The following H2BC18 variants were observed in gnomAD, a reference collection of about 807,000 sequenced individuals.
The protein encoded by H2BC18 is H2B clustered histone 18, also known as histone H2B type 2-F.
In H2BC18, 8 loss-of-function variants were observed where a neutral mutation model predicts 6.3. The ratio of observed to expected loss-of-function variants is 1.28; its 90% CI spans 0.75 to 2.31. H2BC18 has a LOEUF of 2.31. H2BC18 is among the 30% of genes most tolerant of loss of function. The pLI, the probability that H2BC18 is intolerant of heterozygous loss-of-function variation, is 0.00. For synonymous variants in H2BC18, 104 were observed against 78.1 expected (o/e 1.33, Z -1.75); for missense variants, 106 against 174.5 (o/e 0.61, Z 2.21).
chr1:149,800,625 T>G (rs1191679539), intron 1 of H2BC18, among the ~76,000 whole-genome samples: 1 of 142,564 alleles, frequency 7.0e-6, no homozygotes, highest in Non-Finnish European at 1.5e-5. Context: ...TCTTTCAGCT[T>G]ATTTATTTTC....
chr1:149,792,697 G>T, intron 1 of H2BC18: 1 of 1,282,092 alleles, frequency 7.8e-7, no homozygotes, highest in Non-Finnish European at 1.0e-6. Flanking sequence ...CAGCTGCGGC[G>T]AAAGCTGTTG....
At chr1:149,803,072 G>T (rs2091888772) in intron 1 of H2BC18, among the ~76,000 whole-genome samples, 1 of 152,140 alleles carries the variant, frequency 6.6e-6, no homozygotes, top group African/African-American at 2.4e-5. Flanking sequence ...ATCCTATCAA[G>T]TTGACACCTA....
At chr1:149,802,375 T>C (rs1201799045) in intron 1 of H2BC18, among the ~76,000 whole-genome samples, 1 of 152,158 alleles carries the variant, frequency 6.6e-6, no homozygotes, top group Non-Finnish European at 1.5e-5. Context: ...ACCTTTCTCC[T>C]GCTCATTATT....
At chr1:149,788,232 T>C (rs1192546489) in intron 1 of H2BC18, 278 of 1,599,226 alleles carry the variant, frequency 1.7e-4, no homozygotes, top group Non-Finnish European at 2.3e-4. Flanking sequence ...AGGAACTGGA[T>C]ATAGGCCTGA....
Position 149,796,156 on chromosome 1 carries a change from G to C in H2BC18, c.378-12896C>G, listed in dbSNP as rs1553752760. 1.3e-5 allele frequency among the ~76,000 whole-genome samples: 2 copies of C among 152,106 alleles called. 1 individual carries two copies. Among genetic ancestry groups the C allele is most frequent in the African/African-American group, 4.8e-5 (2 of 41,370 alleles). On this transcript the variant is annotated intron_variant, in intron 1 of 1. Transcript: ENST00000545683. ...GGGGTCAAAACTTCCATGAGGGTAA[G>C]AAGTTCAGTTTTCTGCCTTTCCCCT...
intron 1 of H2BC18, chr1:149,803,836 C>T (rs1192895459): frequency 1.3e-5 from 2 of 152,202 alleles, no homozygotes; most frequent in Non-Finnish European, 2.9e-5. Flanking sequence ...TTAAGGTCTT[C>T]GGACTCTGTC....
downstream of H2BC18, chr1:149,810,523 T>G (rs1429055864): frequency 1.3e-5 from 2 of 152,030 alleles, no homozygotes; most frequent in African/African-American, 4.8e-5. Context: ...AAGAATGGCT[T>G]AATTTCAAAG....
chr1:149,790,647 C>G (rs1553751691), intron 1 of H2BC18, among the ~76,000 whole-genome samples: 1 of 150,202 alleles, frequency 6.7e-6, no homozygotes, highest in African/African-American at 2.4e-5. Context: ...CTCTTCCCTC[C>G]ACTCCATGAC....
At chr1:149,785,411 T>TG (rs1290764013) in intron 1 of H2BC18, among the ~76,000 whole-genome samples, 1 of 127,246 alleles carries the variant, frequency 7.9e-6, no homozygotes, top group Non-Finnish European at 1.7e-5. Context: ...CTGTTTCGTT[T>TG]TTTTTTTTTT....
chr1:149,789,393 A>AAATAATAATAATAATAATAATAAT (rs781855250), intron 1 of H2BC18, among the ~76,000 whole-genome samples: 83 of 148,820 alleles, frequency 5.6e-4, no homozygotes, highest in Admixed American at 8.6e-4. Flanking sequence ...ACTACGTCTC[A>AAATAATAATAATAATAATAATAAT]AATAATAATA....
At chr1:149,798,618 TAAAA>T (rs60311651) in intron 1 of H2BC18, among the ~76,000 whole-genome samples, 20 of 139,658 alleles carry the variant, frequency 1.4e-4, no homozygotes, top group African/African-American at 4.7e-4. Flanking sequence ...AAACCGACTT[TAAAA>T]AAAAAAAAAA....
rs1286013649 is a variant in H2BC18, at chr1:149,791,088, G to A, written c.378-7828C>T. On this transcript the variant is annotated intron_variant, in intron 1 of 1. Coordinates refer to the H2BC18 transcript ENST00000545683. The stretch of plus-strand genomic sequence containing the variant: ...CACCATATAGCCAGTTAGAGCTACC[G>A]CCAGTTCCTTCCTGCTCCCTGAAAT... 46 of 1,009,262 alleles carry A rather than the reference G, an allele frequency of 4.6e-5. No homozygotes were observed. The African/African-American group carries it at 5.8e-4, about 13-fold the overall frequency. The allele number at this position is 1,009,262 out of a possible 1,614,324, so 62.5% of individuals were successfully genotyped here. A position where few individuals can be genotyped will look rare whatever the true frequency, so the allele number is the denominator to read the frequency against.
At chr1:149,802,899 C>T (rs2091887080) in intron 1 of H2BC18, among the ~76,000 whole-genome samples, 1 of 152,336 alleles carries the variant, frequency 6.6e-6, no homozygotes, top group East Asian at 1.9e-4. Context: ...CACCTTCTCT[C>T]TCCTGCTTTG....
rs781855250 is a variant in H2BC18 at position 149,789,393 on chromosome 1, A to AAATAATAATAATAAT, written c.378-6148_378-6134dup. On this transcript the variant is annotated intron_variant, in intron 1 of 1. Coordinates refer to the H2BC18 transcript ENST00000545683. ...GGGCAACAGAGCGAGACTACGTCTC[A>AAATAATAATAATAAT]AATAATAATAATAATAATAATAATA... Among the ~76,000 whole-genome samples, 1,109 of 148,740 alleles carry AAATAATAATAATAAT rather than the reference A, an allele frequency of 7.5e-3. 6 individuals are homozygous for AAATAATAATAATAAT. The highest frequency in any genetic ancestry group is 9.7e-3 in the African/African-American group (383 of 39,542).
chr1:149,790,593 G>T (rs2091683006), intron 1 of H2BC18, among the ~76,000 whole-genome samples: 1 of 147,140 alleles, frequency 6.8e-6, no homozygotes, highest in African/African-American at 2.5e-5. Flanking sequence ...TTTCTCCTCT[G>T]TCCTTCTTTT....
At chr1:149,809,687 C>T (rs1231625105), downstream of H2BC18, among the ~76,000 whole-genome samples, 1 of 141,770 alleles carries the variant, frequency 7.1e-6, no homozygotes, top group African/African-American at 3.0e-5. Context: ...GAGGAATAAG[C>T]CTACAGTTTA....
At chr1:149,804,512 C>G (rs2091900639) in intron 1 of H2BC18, among the ~76,000 whole-genome samples, 1 of 152,200 alleles carries the variant, frequency 6.6e-6, no homozygotes, top group African/African-American at 2.4e-5. Context: ...AAGTCACTCT[C>G]AAGTCACTAG....
At chr1:149,791,209 C>A (rs1559747403) in intron 1 of H2BC18, 11 of 1,606,140 alleles carry the variant, frequency 6.8e-6, no homozygotes, top group East Asian at 2.3e-5. Context: ...TAAATAGTAT[C>A]TCTTCTCTTT....
Position 149,788,738 on chromosome 1 carries a change from C to T in H2BC18, c.378-5478G>A, listed in dbSNP as rs879992172. The T allele has an allele frequency of 5.3e-5, 63 of 1,194,496 alleles. 1 individual carries two copies. In the South Asian group the frequency reaches 8.4e-4, roughly 16 times the overall value. The allele number at this position is 1,194,496 out of a possible 1,614,324, so 74.0% of individuals were successfully genotyped here. A position where few individuals can be genotyped will look rare whatever the true frequency, so the allele number is the denominator to read the frequency against. On this transcript the variant is annotated intron_variant, in intron 1 of 1. Coordinates refer to the H2BC18 transcript ENST00000545683. ...AACCGGGCTCCAGAGAGGTAAACTG[C>T]ATTACTAAAGGCCACACCATGACCA...
Sources: allele counts gnomAD v4.1 joint callset (sites outside exome capture counted in the v4.1 genomes callset), GRCh38; gene constraint gnomAD v4.1.1; transcripts MANE v1.5; gene names NCBI Gene and HGNC (gene_info 2026-07-23, HGNC 2026-07-21).